The following USP20 variants were observed in gnomAD, a reference collection of about 807,000 sequenced individuals.
USP20 encodes the protein ubiquitin specific peptidase 20, also known as ubiquitin carboxyl-terminal hydrolase 20.
USP20 carries 80 observed loss-of-function variants against 124.2 expected under a neutral mutation model. The observed-to-expected ratio is 0.64, with a 90% CI of 0.54 to 0.78. The LOEUF (loss-of-function observed/expected upper bound fraction) is 0.78, where lower values mean the gene tolerates loss of function less well. Ranked by LOEUF, USP20 falls within the 30% of genes least tolerant of loss-of-function variation. The pLI is 0.00. For synonymous variants in USP20, 481 were observed against 512.3 expected, an observed-to-expected ratio of 0.94 and a Z score of 0.83; for missense variants, 1,043 against 1,244.4, an observed-to-expected ratio of 0.84 and a Z score of 2.44.
Position 129,852,546 on chromosome 9 carries a change from C to T in USP20, c.-10C>T. 1.9e-6 allele frequency: 3 copies of T among 1,588,898 alleles called. No homozygotes were observed. The highest frequency in any genetic ancestry group is 2.6e-6 in the Non-Finnish European group (3 of 1,166,446). On this transcript the variant is annotated 5_prime_UTR_variant, in exon 3 of 26. Coordinates refer to ENST00000372429, the MANE Select transcript of USP20 (RefSeq NM_001110303.4). The stretch of plus-strand genomic sequence containing the variant: ...TGCTTGTGTCTTCTCATAGGTGAGC[C>T]CAGGCCAGGATGGGGGACTCCAGGG...
chr9:129,875,787 T>C, intron 21 of USP20, 146 bp downstream of exon 21: 1 of 743,816 alleles, frequency 1.3e-6, no homozygotes, highest in Non-Finnish European at 2.1e-6. Context: ...CCTTCACTTG[T>C]CTCATGGAGA....
chr9:129,843,810 TTC>T (rs1177307650), intron 1 of USP20, among the ~76,000 whole-genome samples: 1 of 152,156 alleles, frequency 6.6e-6, no homozygotes, highest in Non-Finnish European at 1.5e-5. Context: ...ACACCTGTAG[TTC>T]CAGTACTTTG....
chr9:129,856,009 C>T (rs1480639372), intron 3 of USP20, among the ~76,000 whole-genome samples: 1 of 152,156 alleles, frequency 6.6e-6, no homozygotes, highest in East Asian at 1.9e-4. Context: ...TAACGAGTCT[C>T]TTACATGATT....
At chr9:129,842,246 T>C (rs2032257538) in intron 1 of USP20, among the ~76,000 whole-genome samples, 1 of 152,204 alleles carries the variant, frequency 6.6e-6, no homozygotes, top group East Asian at 1.9e-4. Flanking sequence ...AACCCAGGGC[T>C]ACTTGTCCCT....
intron 12 of USP20, 150 bp from the exon 13 acceptor site, chr9:129,869,160 G>T: frequency 7.6e-7 from 1 of 1,316,196 alleles, no homozygotes; most frequent in South Asian, 1.3e-5. Flanking sequence ...TTTTGCAGAG[G>T]ATGACACAGA....
rs1432134359 is a variant in USP20, at chr9:129,881,352, C to T, written c.*902C>T. On this transcript the variant is annotated 3_prime_UTR_variant, in exon 26 of 26. Coordinates refer to ENST00000372429, the MANE Select transcript of USP20 (RefSeq NM_001110303.4). ...TGTGGGGGCTGTGCAGGGTGCAGCGCTCAGGTGGATCCTGGGAAGCAGCCT... is the reference window on the plus strand; with the variant it reads ...TGTGGGGGCTGTGCAGGGTGCAGCGTTCAGGTGGATCCTGGGAAGCAGCCT... 6.6e-6 allele frequency: 1 copy of T among 152,314 alleles called. No individual in the cohort carries two copies. Among genetic ancestry groups the T allele is most frequent in the Non-Finnish European group, 1.5e-5 (1 of 68,118 alleles). The allele number at this position is 152,314 out of a possible 1,614,324, so 9.4% of individuals were successfully genotyped here.
intron 9 of USP20, among the ~76,000 whole-genome samples, chr9:129,863,600 C>T (rs2033661044): frequency 6.6e-6 from 1 of 152,180 alleles, no homozygotes; most frequent in Non-Finnish European, 1.5e-5. Flanking sequence ...ATGTCTTTGC[C>T]AAGAGACATG....
At chr9:129,842,948 C>T (rs2032316604) in intron 1 of USP20, among the ~76,000 whole-genome samples, 1 of 152,006 alleles carries the variant, frequency 6.6e-6, no homozygotes, top group Non-Finnish European at 1.5e-5. Flanking sequence ...CTTTTTCCTT[C>T]ATAGAAATGA....
intron 5 of USP20, 144 bp downstream of exon 5, chr9:129,858,256 G>T: frequency 1.7e-6 from 2 of 1,146,056 alleles, no homozygotes; most frequent in Middle Eastern, 2.4e-4. Context: ...AAGCAAGAGA[G>T]AATGCAGGTA....
rs143454597 is a variant in USP20, at chr9:129,842,815, G to A, written c.-128-6998G>A. On this transcript the variant is annotated intron_variant, in intron 1 of 25. Transcript: ENST00000372429. ...TCACCATGTTGGTCAGGCTGGTTTC[G>A]AACTCCTGACCTTGTGATCCACCCT... is the stretch of plus-strand genomic sequence containing the variant. 5.2e-3 allele frequency among the ~76,000 whole-genome samples: 785 copies of A among 151,982 alleles called. 6 individuals are homozygous for A. Among genetic ancestry groups the A allele is most frequent in the East Asian group, 0.02 (104 of 5,152 alleles).
chr9:129,862,948 A>G (rs1588268748), intron 8 of USP20, among the ~76,000 whole-genome samples: 3 of 19,484 alleles, frequency 1.5e-4, no homozygotes, highest in Admixed American at 2.0e-3. Context: ...TAAGATAGAT[A>G]AGATGAGATA....
At chr9:129,850,393 C>T (rs2032845502) in intron 2 of USP20, among the ~76,000 whole-genome samples, 1 of 152,180 alleles carries the variant, frequency 6.6e-6, no homozygotes, top group Non-Finnish European at 1.5e-5. Context: ...AGCCTCTGTT[C>T]CTTAGTCTGT....
intron 4 of USP20, among the ~76,000 whole-genome samples, chr9:129,857,458 C>T (rs1416802762): frequency 6.6e-6 from 1 of 152,134 alleles, no homozygotes; most frequent in Admixed American, 6.5e-5. Context: ...TACTGGCTGG[C>T]GTGGAGGCTC....
intron 9 of USP20, 107 bp downstream of exon 9, chr9:129,863,406 C>A: frequency 1.2e-6 from 1 of 854,662 alleles, no homozygotes. Context: ...CGAGGACTTG[C>A]CTCACTTTGT....
intron 1 of USP20, among the ~76,000 whole-genome samples, chr9:129,846,729 C>T (rs537614099): frequency 2.6e-5 from 4 of 151,202 alleles, no homozygotes; most frequent in South Asian, 2.1e-4. Context: ...CAGGTTCAAG[C>T]GATTCTCCTG....
intron 3 of USP20, 137 bp from the exon 4 acceptor site, chr9:129,856,170 G>C: frequency 1.2e-6 from 1 of 827,154 alleles, no homozygotes; most frequent in Non-Finnish European, 2.0e-6. Context: ...AGGCCTTTCT[G>C]GGGCCAGGGC....
chr9:129,846,495 C>T (rs530998113), intron 1 of USP20, among the ~76,000 whole-genome samples: 43 of 144,890 alleles, frequency 3.0e-4, no homozygotes, highest in Admixed American at 2.4e-3. Context: ...TGGGCTCAAG[C>T]AGTCCTCCTG....
At position 129,868,427 on chromosome 9, in the gene USP20, C is replaced by T. The variant is rs1588276893; in HGVS notation, c.1113C>T (p.Ser371=). ...AGGCCCAGCCCCCGTCACCACGGTC[C>T]TCCAGCCCCTGCCGGACGCCAGGTA... The part of the protein sequence containing the change: ...PAEAQPPSPR[S]SSPCRTPEPD... The change falls in exon 11 of 26, where the codon TCC becomes TCT. Residue 371 remains serine, a synonymous_variant. Coordinates refer to ENST00000372429, the MANE Select transcript of USP20 (RefSeq NM_001110303.4). 3.1e-6 allele frequency: 5 copies of T among 1,611,022 alleles called. No individual in the cohort carries two copies. The highest frequency in any genetic ancestry group is 4.2e-6 in the Non-Finnish European group (5 of 1,178,594).
intron 1 of USP20, among the ~76,000 whole-genome samples, chr9:129,838,950 T>C (rs7019254): frequency 0.19 from 28,579 of 152,166 alleles, 3,218 homozygotes; most frequent in South Asian, 0.26. Context: ...TATCCTAGAC[T>C]GAAGGAAGTT....
Sources: gnomAD v4.1 joint callset for allele counts (sites outside exome capture counted in the v4.1 genomes callset) on GRCh38, gnomAD v4.1.1 for gene constraint, MANE v1.5 for transcripts, NCBI Gene and HGNC (gene_info 2026-07-23, HGNC 2026-07-21) for gene names.